Variants in POU6F2 observed in about 807,000 individuals in gnomAD.
POU6F2 encodes the protein POU class 6 homeobox 2.
POU6F2 carries 31 observed loss-of-function variants against 71.3 expected under a neutral mutation model. That is an observed-to-expected ratio of 0.43 (90% CI 0.33 to 0.59). The LOEUF (loss-of-function observed/expected upper bound fraction) is 0.59. POU6F2 is among the 20% of genes least tolerant of loss of function. The pLI is 0.04. For missense variants in POU6F2, 783 were observed against 856.8 expected, an observed-to-expected ratio of 0.91 and a Z score of 1.07; for synonymous variants, 347 against 355.7, an observed-to-expected ratio of 0.98 and a Z score of 0.27.
intron 1 of POU6F2, among the ~76,000 whole-genome samples, chr7:39,025,141 G>A (rs542573018): frequency 6.6e-6 from 1 of 152,070 alleles, no homozygotes; most frequent in Non-Finnish European, 1.5e-5. Flanking sequence ...GTCCTGGACT[G>A]TTTTTGGTTG....
chr7:39,308,254 C>T (rs534657452), intron 4 of POU6F2, among the ~76,000 whole-genome samples: 1 of 152,328 alleles, frequency 6.6e-6, no homozygotes, highest in African/African-American at 2.4e-5. Context: ...TGCCCACAAC[C>T]ATTCCAAGTA....
intron 2 of POU6F2, among the ~76,000 whole-genome samples, chr7:39,091,862 A>G (rs1312498132): frequency 6.6e-6 from 1 of 152,244 alleles, no homozygotes; most frequent in Non-Finnish European, 1.5e-5. Flanking sequence ...GTTATGAGAC[A>G]GCCAACAGTT....
chr7:39,122,202 A>G (rs1792057282), intron 2 of POU6F2, among the ~76,000 whole-genome samples: 1 of 152,242 alleles, frequency 6.6e-6, no homozygotes, highest in Admixed American at 6.5e-5. Flanking sequence ...GATGGACTAC[A>G]GATTACCTTT....
chr7:39,215,066 C>T (rs995255154), intron 4 of POU6F2, among the ~76,000 whole-genome samples: 9 of 152,120 alleles, frequency 5.9e-5, no homozygotes, highest in African/African-American at 1.9e-4. Flanking sequence ...GGAAGGAGGC[C>T]GAAAGTGGTA....
chr7:39,271,792 C>T (rs538016047), intron 4 of POU6F2, among the ~76,000 whole-genome samples: 21 of 152,164 alleles, frequency 1.4e-4, no homozygotes, highest in Non-Finnish European at 2.9e-5. Context: ...ATCCAGGAGC[C>T]GTTCAAATCG....
At chr7:39,376,490 A>T (rs947874120) in intron 5 of POU6F2, among the ~76,000 whole-genome samples, 3 of 152,166 alleles carry the variant, frequency 2.0e-5, no homozygotes, top group Admixed American at 2.0e-4. Context: ...TGGCTCCATC[A>T]CCAACTCAGT....
intron 2 of POU6F2, among the ~76,000 whole-genome samples, chr7:39,202,098 G>A (rs1483255921): frequency 6.6e-6 from 1 of 152,286 alleles, no homozygotes; most frequent in East Asian, 1.9e-4. Context: ...ACCAGCCTCA[G>A]AACAAGCTAC....
intron 4 of POU6F2, among the ~76,000 whole-genome samples, chr7:39,254,218 A>G (rs1053166380): frequency 3.3e-5 from 5 of 152,222 alleles, no homozygotes; most frequent in African/African-American, 1.2e-4. Context: ...AAGACTGAGT[A>G]ATTTGGAGGC....
intron 4 of POU6F2, among the ~76,000 whole-genome samples, chr7:39,328,654 C>A (rs559392820): frequency 3.3e-5 from 5 of 152,118 alleles, no homozygotes; most frequent in African/African-American, 1.2e-4. Context: ...TGTCAAGGGG[C>A]GCTAATATTA....
intron 4 of POU6F2, among the ~76,000 whole-genome samples, chr7:39,231,422 A>G (rs1475039628): frequency 6.6e-6 from 1 of 152,174 alleles, no homozygotes; most frequent in African/African-American, 2.4e-5. Flanking sequence ...TATATGCTTT[A>G]TTGACATCAT....
rs372579784 is a variant in POU6F2, at chr7:39,183,585, TG to T, written c.278-20646del. On this transcript the variant is annotated intron_variant, in intron 2 of 9. Transcript: ENST00000518318. ...CTCCCACCAGGTCCCTCTTCCACAT[TG>T]GGGATTATAACTGGACATGAGATTT... Among the ~76,000 whole-genome samples, 144 of 152,220 alleles carry T rather than the reference TG, an allele frequency of 9.5e-4. 2 individuals are homozygous for T. In the South Asian group the frequency reaches 0.021, roughly 22 times the overall value.
chr7:39,009,560 T>C (rs567284867), intron 1 of POU6F2, among the ~76,000 whole-genome samples: 9 of 152,278 alleles, frequency 5.9e-5, no homozygotes, highest in Admixed American at 5.9e-4. Flanking sequence ...CAACACTATG[T>C]TGAATAGGAG....
chr7:39,407,027 G>A (rs779021870), intron 6 of POU6F2, among the ~76,000 whole-genome samples: 5 of 151,912 alleles, frequency 3.3e-5, no homozygotes, highest in Non-Finnish European at 5.9e-5. Context: ...ATTACAGGGG[G>A]CATTCTTTCA....
chr7:39,350,922 G>T (rs1460634464), intron 5 of POU6F2, among the ~76,000 whole-genome samples: 1 of 152,214 alleles, frequency 6.6e-6, no homozygotes, highest in African/African-American at 2.4e-5. Flanking sequence ...TTTTCCAAGA[G>T]AAGATTTTCC....
intron 1 of POU6F2, among the ~76,000 whole-genome samples, chr7:39,037,309 G>A (rs924673153): frequency 6.6e-6 from 1 of 151,758 alleles, no homozygotes; most frequent in Non-Finnish European, 1.5e-5. Flanking sequence ...GAAAAATTGA[G>A]CACATAAATT....
At chr7:39,152,689 C>T (rs912324942) in intron 2 of POU6F2, among the ~76,000 whole-genome samples, 1 of 152,174 alleles carries the variant, frequency 6.6e-6, no homozygotes, top group African/African-American at 2.4e-5. Context: ...AGCCTCTCAC[C>T]ACCAGCGAGA....
chr7:39,100,408 T>A (rs1444016171), intron 2 of POU6F2, among the ~76,000 whole-genome samples: 1 of 152,208 alleles, frequency 6.6e-6, no homozygotes, highest in Non-Finnish European at 1.5e-5. Flanking sequence ...CTAGTTCCTC[T>A]TATATACACC....
chr7:39,334,587 G>T (rs187887080), intron 4 of POU6F2, among the ~76,000 whole-genome samples: 59 of 151,870 alleles, frequency 3.9e-4, no homozygotes, highest in Non-Finnish European at 6.5e-4. Flanking sequence ...TCCCCAGTCC[G>T]CAGCCATCTA....
intron 2 of POU6F2, among the ~76,000 whole-genome samples, chr7:39,153,542 T>C (rs1326554996): frequency 2.0e-5 from 3 of 152,186 alleles, no homozygotes; most frequent in Non-Finnish European, 4.4e-5. Flanking sequence ...TTTTGATGCC[T>C]TTTTATTTCA....
Sources: gnomAD v4.1 joint callset for allele counts (sites outside exome capture counted in the v4.1 genomes callset) on GRCh38, gnomAD v4.1.1 for gene constraint, MANE v1.5 for transcripts, NCBI Gene and HGNC (gene_info 2026-07-23, HGNC 2026-07-21) for gene names.